MGAT4C: variants seen among roughly 807,000 people sequenced by gnomAD.
MGAT4C encodes MGAT4 family member C, also known as alpha-1,3-mannosyl-glycoprotein 4-beta-N-acetylglucosaminyltransferase C.
A neutral mutation model predicts 40.1 loss-of-function variants in MGAT4C; 19 were observed. That is an observed-to-expected ratio of 0.47 (90% CI 0.33 to 0.70). The LOEUF (loss-of-function observed/expected upper bound fraction) is 0.70, where lower values mean the gene tolerates loss of function less well. Ranked by LOEUF, MGAT4C falls within the 30% of genes least tolerant of loss-of-function variation. The pLI is 0.02. For synonymous variants in MGAT4C, 181 were observed against 187.1 expected, an observed-to-expected ratio of 0.97 and a Z score of 0.27; for missense variants, 491 against 563.2, an observed-to-expected ratio of 0.87 and a Z score of 1.30.
intron 1 of MGAT4C, among the ~76,000 whole-genome samples, chr12:86,138,477 C>CCATATATATATTTCCATATATAT (rs1882305271): frequency 1.6e-5 from 2 of 125,058 alleles, no homozygotes; most frequent in African/African-American, 5.9e-5. Context: ...CCATATATAT[C>CCATATATATATTTCCATATATAT]CATATATATA....
intron 2 of MGAT4C, among the ~76,000 whole-genome samples, chr12:86,041,103 C>T (rs538070597): frequency 1.3e-5 from 2 of 151,862 alleles, no homozygotes; most frequent in African/African-American, 4.8e-5. Flanking sequence ...CTGGTTGCTG[C>T]AGACCGGAGC....
chr12:86,128,077 T>G (rs926289451), intron 1 of MGAT4C, among the ~76,000 whole-genome samples: 10 of 152,210 alleles, frequency 6.6e-5, no homozygotes, highest in African/African-American at 2.4e-4. Flanking sequence ...TGACAGGCAG[T>G]GCAATATATT....
chr12:86,724,447 G>T (rs1374540689), intron 2 of MGAT4C, among the ~76,000 whole-genome samples: 1 of 152,138 alleles, frequency 6.6e-6, no homozygotes, highest in Non-Finnish European at 1.5e-5. Flanking sequence ...GTTATTACTT[G>T]CAGAGCCATC....
chr12:86,488,741 T>C (rs751936927), intron 2 of MGAT4C, among the ~76,000 whole-genome samples: 1 of 152,168 alleles, frequency 6.6e-6, no homozygotes, highest in Non-Finnish European at 1.5e-5. Flanking sequence ...ACAGTCCTTC[T>C]TAACATTAAG....
chr12:86,544,451 A>G (rs1273851450), intron 2 of MGAT4C, among the ~76,000 whole-genome samples: 5 of 152,252 alleles, frequency 3.3e-5, no homozygotes, highest in African/African-American at 1.2e-4. Flanking sequence ...GTTTATTTCT[A>G]TAATTATCTA....
intron 2 of MGAT4C, among the ~76,000 whole-genome samples, chr12:86,515,018 TAAA>T (rs1400110545): frequency 6.6e-6 from 1 of 152,148 alleles, no homozygotes; most frequent in Non-Finnish European, 1.5e-5. Flanking sequence ...AAATTTGTGT[TAAA>T]AGACATACAA....
At chr12:85,980,459 A>T (rs1161853520) in intron 4 of MGAT4C, 29 bp from the exon 5 acceptor site, 1 of 1,527,412 alleles carries the variant, frequency 6.5e-7, no homozygotes, top group East Asian at 2.3e-5. Flanking sequence ...AAGCAATACA[A>T]ATGTGAACTA....
chr12:86,242,353 G>A (rs1464488003), intron 1 of MGAT4C, among the ~76,000 whole-genome samples: 1 of 152,154 alleles, frequency 6.6e-6, no homozygotes, highest in Non-Finnish European at 1.5e-5. Context: ...GGTAAACATA[G>A]ATACTGCCTC....
intron 2 of MGAT4C, among the ~76,000 whole-genome samples, chr12:86,591,986 CTTTGTTA>C (rs1961349707): frequency 6.6e-6 from 1 of 151,820 alleles, no homozygotes; most frequent in South Asian, 2.1e-4. Context: ...ATTATGAAGT[CTTTGTTA>C]TTTAAGTCTT....
chr12:86,124,362 G>T (rs1879915874), intron 1 of MGAT4C, among the ~76,000 whole-genome samples: 1 of 152,106 alleles, frequency 6.6e-6, no homozygotes, highest in African/African-American at 2.4e-5. Context: ...GTGCAGAACA[G>T]AACAAGAAAA....
At chr12:86,232,172 G>C (rs992695511) in intron 1 of MGAT4C, among the ~76,000 whole-genome samples, 2 of 131,024 alleles carry the variant, frequency 1.5e-5, no homozygotes, top group African/African-American at 5.6e-5. Flanking sequence ...GGGTTGGGGG[G>C]TTAAGTAACT....
chr12:86,076,614 C>A (rs1191282050), intron 1 of MGAT4C, among the ~76,000 whole-genome samples: 1 of 152,070 alleles, frequency 6.6e-6, no homozygotes, highest in Non-Finnish European at 1.5e-5. Flanking sequence ...TGGCAGGAGG[C>A]AAAAGCCACT....
At chr12:86,080,909 A>G (rs1870717861) in intron 1 of MGAT4C, among the ~76,000 whole-genome samples, 1 of 152,194 alleles carries the variant, frequency 6.6e-6, no homozygotes, top group Non-Finnish European at 1.5e-5. Flanking sequence ...GAATAAGCTT[A>G]TGTGTTCAGC....
At chr12:86,131,836 AGTCTT>A (rs1432143998) in intron 1 of MGAT4C, among the ~76,000 whole-genome samples, 21 of 152,108 alleles carry the variant, frequency 1.4e-4, no homozygotes, top group African/African-American at 9.7e-5. Context: ...ATATAACTAA[AGTCTT>A]GGCTACATTA....
intron 2 of MGAT4C, among the ~76,000 whole-genome samples, chr12:86,503,884 TA>T (rs1958422249): frequency 6.9e-6 from 1 of 145,764 alleles, no homozygotes; most frequent in South Asian, 2.2e-4. Flanking sequence ...AATTTCATTA[TA>T]AAAATCCACA....
At chr12:86,314,891 G>A (rs539495831) in intron 4 of MGAT4C, among the ~76,000 whole-genome samples, 8 of 152,208 alleles carry the variant, frequency 5.3e-5, no homozygotes, top group African/African-American at 1.9e-4. Context: ...TAAATTGGAA[G>A]AATCAGTATT....
intron 4 of MGAT4C, among the ~76,000 whole-genome samples, chr12:86,281,966 T>G (rs180953459): frequency 5.9e-5 from 9 of 152,170 alleles, no homozygotes; most frequent in Non-Finnish European, 1.3e-4. Context: ...GTCAATATTC[T>G]TCCCTATGTA....
chr12:86,250,734 T>C (rs1190867977), intron 1 of MGAT4C, among the ~76,000 whole-genome samples: 1 of 152,134 alleles, frequency 6.6e-6, no homozygotes, highest in African/African-American at 2.4e-5. Flanking sequence ...GAAAAGTTCC[T>C]AAAAGTTATT....
intron 3 of MGAT4C, among the ~76,000 whole-genome samples, chr12:86,408,098 A>T (rs1956511078): frequency 6.6e-6 from 1 of 152,054 alleles, no homozygotes; most frequent in South Asian, 2.1e-4. Context: ...ACACACACAT[A>T]CACGCACACA....
Sources: allele counts gnomAD v4.1 joint callset (sites outside exome capture counted in the v4.1 genomes callset), GRCh38; gene constraint gnomAD v4.1.1; transcripts MANE v1.5; gene names NCBI Gene and HGNC (gene_info 2026-07-23, HGNC 2026-07-21).